Variants in ALOX5 observed in about 807,000 individuals in gnomAD.
The protein encoded by ALOX5 is arachidonate 5-lipoxygenase.
In ALOX5, 64 loss-of-function variants were observed where a neutral mutation model predicts 87.9. The ratio of observed to expected loss-of-function variants is 0.73; its 90% CI spans 0.60 to 0.90. The LOEUF is 0.90. Ranked by LOEUF, ALOX5 falls within the 40% of genes least tolerant of loss-of-function variation. The pLI, the probability that ALOX5 is intolerant of heterozygous loss-of-function variation, is 0.00. For missense variants in ALOX5, 822 were observed against 907.5 expected (o/e 0.91, Z 1.21); for synonymous variants, 388 against 355.1 (o/e 1.09, Z -1.04).
chr10:45,394,270 G>T (rs1840414264), intron 2 of ALOX5, among the ~76,000 whole-genome samples: 1 of 152,106 alleles, frequency 6.6e-6, no homozygotes. Context: ...TAGACCAATG[G>T]AACAGAACAG....
intron 7 of ALOX5, among the ~76,000 whole-genome samples, chr10:45,434,209 GT>G (rs1444144663): frequency 6.6e-6 from 1 of 152,172 alleles, no homozygotes; most frequent in African/African-American, 2.4e-5. Context: ...GGACTTTATT[GT>G]TTAAGTGTTC....
At chr10:45,375,719 C>T (rs913979766) in intron 1 of ALOX5, among the ~76,000 whole-genome samples, 1 of 152,188 alleles carries the variant, frequency 6.6e-6, no homozygotes, top group Non-Finnish European at 1.5e-5. Flanking sequence ...CCCATACCCT[C>T]GCTGTAGCAC....
rs2229136 is a variant in ALOX5, at chr10:45,444,169, A to G, written c.1728A>G (p.Pro576=). 109,435 of 1,556,424 alleles carry G rather than the reference A, an allele frequency of 0.07. 4,496 individuals carry two copies. The highest frequency in any genetic ancestry group is 0.17 in the African/African-American group (12,477 of 73,444). The change falls in exon 13 of 14, where the codon CCA becomes CCG. Residue 576 remains proline, a synonymous_variant. Coordinates refer to ENST00000374391, the MANE Select transcript of ALOX5 (RefSeq NM_000698.5). ...PNAPPTMRAP[P]PTAKGVVTIE... ...CGCCCCCAACCATGCGAGCCCCGCCACCGACTGCCAAGGGCGTGGTGACCA... is the reference window on the plus strand; with the variant it reads ...CGCCCCCAACCATGCGAGCCCCGCCGCCGACTGCCAAGGGCGTGGTGACCA...
chr10:45,417,518 A>G (rs1036075048), intron 4 of ALOX5, among the ~76,000 whole-genome samples: 17 of 151,932 alleles, frequency 1.1e-4, no homozygotes, highest in African/African-American at 4.1e-4. Flanking sequence ...CAGCTCCACC[A>G]TCTCTCCTGA....
intron 3 of ALOX5, among the ~76,000 whole-genome samples, chr10:45,411,071 CT>C (rs1841045767): frequency 6.6e-6 from 1 of 152,186 alleles, no homozygotes; most frequent in African/African-American, 2.4e-5. Context: ...AGGTTCCTCC[CT>C]TTTTTAGACC....
At chr10:45,445,165 TG>T (rs1399201551) in intron 13 of ALOX5, among the ~76,000 whole-genome samples, 1 of 152,210 alleles carries the variant, frequency 6.6e-6, no homozygotes, top group Non-Finnish European at 1.5e-5. Context: ...GTGAGAGTGC[TG>T]CGCAGGGGTG....
At chr10:45,377,806 A>C (rs1457867753) in intron 1 of ALOX5, among the ~76,000 whole-genome samples, 3 of 152,248 alleles carry the variant, frequency 2.0e-5, no homozygotes, top group Non-Finnish European at 4.4e-5. Context: ...AAGACAGATG[A>C]AAACTTTCCT....
At chr10:45,379,279 C>T (rs1401935165) in intron 1 of ALOX5, among the ~76,000 whole-genome samples, 1 of 152,094 alleles carries the variant, frequency 6.6e-6, no homozygotes, top group Non-Finnish European at 1.5e-5. Flanking sequence ...CCTGGGGACA[C>T]CTTCCTCCCT....
chr10:45,411,157 G>A (rs1212088254), intron 3 of ALOX5, among the ~76,000 whole-genome samples: 2 of 152,200 alleles, frequency 1.3e-5, no homozygotes, highest in African/African-American at 4.8e-5. Flanking sequence ...CTTTTAGCAT[G>A]CTAATGCATT....
chr10:45,428,826 G>T, intron 7 of ALOX5, 62 bp downstream of exon 7: 1 of 1,593,414 alleles, frequency 6.3e-7, no homozygotes. Context: ...AGGGCTCCTG[G>T]GTGGCTCCAT....
intron 1 of ALOX5, among the ~76,000 whole-genome samples, chr10:45,377,188 A>G (rs1354069621): frequency 6.6e-6 from 1 of 152,184 alleles, no homozygotes; most frequent in Non-Finnish European, 1.5e-5. Context: ...GTCAGTGAGT[A>G]TTCTTACATT....
intron 4 of ALOX5, among the ~76,000 whole-genome samples, chr10:45,423,467 G>A (rs1841580753): frequency 6.6e-6 from 1 of 152,142 alleles, no homozygotes; most frequent in Non-Finnish European, 1.5e-5. Context: ...CCTCCTCCAG[G>A]AAGCCCTGGG....
intron 2 of ALOX5, among the ~76,000 whole-genome samples, chr10:45,384,912 A>G (rs139292055): frequency 0.022 from 3,408 of 152,090 alleles, 125 homozygotes; most frequent in African/African-American, 0.078. Context: ...GCACGATCTC[A>G]GCCCACTGCA....
rs903748391 is a variant in ALOX5, at chr10:45,414,010, C to A, written c.554+1697C>A. ...AATCAATATCATGAAAATGGCCATA[C>A]TCCCAAGGTAATTTATAGATCAATG... On this transcript the variant is annotated intron_variant, in intron 4 of 13. Transcript: ENST00000374391. 3.3e-5 allele frequency among the ~76,000 whole-genome samples: 5 copies of A among 152,326 alleles called. 1 individual carries two copies. The South Asian group carries it at 1.0e-3, about 32-fold the overall frequency.
chr10:45,391,578 T>A (rs1217244844), intron 2 of ALOX5, among the ~76,000 whole-genome samples: 6 of 149,376 alleles, frequency 4.0e-5, no homozygotes, highest in Non-Finnish European at 8.9e-5. Context: ...AAGGAGCCCC[T>A]CTGCCTGGCT....
At chr10:45,391,010 TCCTCTCCCATCTCCCCTCTCC>T (rs1263007622) in intron 2 of ALOX5, among the ~76,000 whole-genome samples, 40 of 29,368 alleles carry the variant, frequency 1.4e-3, no homozygotes, top group Non-Finnish European at 2.0e-3. Context: ...CTCCCCTCTC[TCCTCTCCCATCTCCCCTCTCC>T]CCTCTCCCAT....
At chr10:45,391,932 C>T (rs1379197139) in intron 2 of ALOX5, among the ~76,000 whole-genome samples, 7 of 140,820 alleles carry the variant, frequency 5.0e-5, no homozygotes, top group Admixed American at 1.4e-4. Context: ...GCAGCCGCCC[C>T]GTCTGGGAAG....
intron 1 of ALOX5, 42 bp from the exon 2 acceptor site, chr10:45,382,441 C>T: frequency 1.9e-6 from 3 of 1,609,272 alleles, no homozygotes; most frequent in Non-Finnish European, 2.6e-6. Context: ...AACAAAGGCT[C>T]AGGAGACCAC....
chr10:45,396,857 A>G (rs1377698076), intron 3 of ALOX5, among the ~76,000 whole-genome samples: 3 of 152,242 alleles, frequency 2.0e-5, no homozygotes, highest in Non-Finnish European at 4.4e-5. Context: ...AAGGCATTAA[A>G]CAATATGAAC....
Sources: allele counts gnomAD v4.1 joint callset (sites outside exome capture counted in the v4.1 genomes callset), GRCh38; gene constraint gnomAD v4.1.1; transcripts MANE v1.5; gene names NCBI Gene and HGNC (gene_info 2026-07-23, HGNC 2026-07-21).